Variants in CNTNAP5 observed in about 807,000 individuals in gnomAD.
CNTNAP5 encodes the protein contactin-associated protein-like 5.
A neutral mutation model predicts 150.2 loss-of-function variants in CNTNAP5; 72 were observed. The observed-to-expected ratio is 0.48, with a 90% CI of 0.40 to 0.58. The LOEUF (loss-of-function observed/expected upper bound fraction) is 0.58. Ranked by LOEUF, CNTNAP5 falls within the 20% of genes least tolerant of loss-of-function variation. CNTNAP5 has a pLI of 0.00. For synonymous variants in CNTNAP5, 672 were observed against 619.8 expected (o/e 1.08, Z -1.25); for missense variants, 1,636 against 1,626.2 (o/e 1.01, Z -0.10).
chr2:124,271,658 A>AATCTATCTATCT (rs147548369), intron 3 of CNTNAP5, among the ~76,000 whole-genome samples: 1,684 of 141,462 alleles, frequency 0.012, 12 homozygotes, highest in Non-Finnish European at 0.015. Flanking sequence ...GTTTTTTTTT[A>AATCTATCTATCT]ATCTATCTAT....
chr2:124,403,413 A>G (rs139004497), intron 3 of CNTNAP5, among the ~76,000 whole-genome samples: 66 of 152,062 alleles, frequency 4.3e-4, no homozygotes, highest in African/African-American at 1.5e-3. Flanking sequence ...CATTTTCTCT[A>G]TTTTCTTGAT....
intron 7 of CNTNAP5, among the ~76,000 whole-genome samples, chr2:124,488,433 A>G (rs1217637229): frequency 6.6e-6 from 1 of 152,178 alleles, no homozygotes; most frequent in African/African-American, 2.4e-5. Context: ...TAACTTCCCC[A>G]AGATACGTAA....
At chr2:124,283,825 A>G (rs1367484671) in intron 3 of CNTNAP5, among the ~76,000 whole-genome samples, 1 of 152,188 alleles carries the variant, frequency 6.6e-6, no homozygotes, top group Non-Finnish European at 1.5e-5. Flanking sequence ...GTGTCTTCAC[A>G]TGGTCTCTGG....
intron 11 of CNTNAP5, among the ~76,000 whole-genome samples, chr2:124,588,228 C>CTT (rs1245501587): frequency 8.6e-6 from 1 of 116,588 alleles, no homozygotes; most frequent in African/African-American, 3.1e-5. Flanking sequence ...TTCTTTCTTT[C>CTT]TTTCTTTCTT....
At chr2:124,777,639 G>A (rs1000662580) in intron 17 of CNTNAP5, among the ~76,000 whole-genome samples, 10 of 152,052 alleles carry the variant, frequency 6.6e-5, no homozygotes, top group East Asian at 3.9e-4. Context: ...CACCTTGGCC[G>A]CCCAGATTGC....
chr2:124,524,027 G>A (rs577942847), intron 8 of CNTNAP5, among the ~76,000 whole-genome samples: 1 of 151,014 alleles, frequency 6.6e-6, no homozygotes, highest in Non-Finnish European at 1.5e-5. Context: ...CTTTGGTTGT[G>A]GTGTGTACAA....
intron 17 of CNTNAP5, among the ~76,000 whole-genome samples, chr2:124,788,846 G>C (rs531112564): frequency 5.9e-5 from 9 of 151,924 alleles, no homozygotes; most frequent in African/African-American, 2.2e-4. Context: ...TTGGCCAGGC[G>C]GGTCTTGAAC....
At chr2:124,165,032 A>G (rs1187958721) in intron 1 of CNTNAP5, among the ~76,000 whole-genome samples, 2 of 152,164 alleles carry the variant, frequency 1.3e-5, no homozygotes, top group African/African-American at 4.8e-5. Flanking sequence ...GTTGTAATCT[A>G]TCTGGGCTGA....
intron 5 of CNTNAP5, among the ~76,000 whole-genome samples, chr2:124,445,173 T>A (rs772105364): frequency 2.7e-5 from 4 of 146,694 alleles, no homozygotes; most frequent in Non-Finnish European, 4.5e-5. Flanking sequence ...CACTGCAACC[T>A]CCGCCTCCCA....
chr2:124,258,531 C>T (rs1038273654), intron 3 of CNTNAP5, among the ~76,000 whole-genome samples: 3 of 152,124 alleles, frequency 2.0e-5, no homozygotes, highest in Non-Finnish European at 4.4e-5. Flanking sequence ...CATTCTCTCA[C>T]CCTTCATTAT....
chr2:124,257,745 T>G (rs1303703465), intron 3 of CNTNAP5, among the ~76,000 whole-genome samples: 1 of 151,198 alleles, frequency 6.6e-6, no homozygotes, highest in Non-Finnish European at 1.5e-5. Flanking sequence ...ACCCAACATG[T>G]TGCTCCATGC....
At position 124,798,192 on chromosome 2, in the gene CNTNAP5, T is replaced by C; in HGVS notation, c.3089T>C (p.Ile1030Thr). Residue 1030 changes from isoleucine to threonine, a missense_variant, in exon 19 of 24, where the codon ATT becomes ACT. By Grantham distance (89) the Ile-to-Thr change is moderately conservative. Transcript: ENST00000682447. The part of the protein sequence containing the change: ...TKNISLSSSA[I>T]YTDSAPSKEN... ...AATATAAGCCTCTCATCCTCAGCTA[T>C]TTACACAGATTCAGCTCCATCCAAG... 1.2e-6 allele frequency: 2 copies of C among 1,613,834 alleles called. No individual in the cohort carries two copies. The highest frequency in any genetic ancestry group is 1.7e-6 in the Non-Finnish European group (2 of 1,179,756).
chr2:124,186,115 G>T (rs1685327631), intron 1 of CNTNAP5, among the ~76,000 whole-genome samples: 1 of 152,172 alleles, frequency 6.6e-6, no homozygotes, highest in South Asian at 2.1e-4. Context: ...TCCTGAGTGG[G>T]CATGAGAATT....
At chr2:124,501,968 G>A (rs561301983) in intron 7 of CNTNAP5, among the ~76,000 whole-genome samples, 3 of 152,310 alleles carry the variant, frequency 2.0e-5, no homozygotes, top group East Asian at 3.9e-4. Flanking sequence ...CTTCACAGGG[G>A]CAAGAATGAT....
At chr2:124,402,461 A>G (rs1440142156) in intron 3 of CNTNAP5, among the ~76,000 whole-genome samples, 1 of 152,198 alleles carries the variant, frequency 6.6e-6, no homozygotes. Flanking sequence ...CGTGATTGTC[A>G]CTAGCACAGC....
At chr2:124,123,986 A>T (rs543677997) in intron 1 of CNTNAP5, among the ~76,000 whole-genome samples, 4 of 152,304 alleles carry the variant, frequency 2.6e-5, no homozygotes, top group Non-Finnish European at 4.4e-5. Context: ...AATACTAAAA[A>T]TCAGAGCACC....
chr2:124,827,088 T>C (rs954112071), intron 19 of CNTNAP5, among the ~76,000 whole-genome samples: 1 of 152,050 alleles, frequency 6.6e-6, no homozygotes, highest in Non-Finnish European at 1.5e-5. Flanking sequence ...ACCCACCTAA[T>C]ATTTTTTATT....
chr2:124,813,669 C>T (rs1402364692), intron 19 of CNTNAP5, among the ~76,000 whole-genome samples: 1 of 151,690 alleles, frequency 6.6e-6, no homozygotes, highest in African/African-American at 2.4e-5. Flanking sequence ...AGATCTGCTT[C>T]TGCTTGATTT....
chr2:124,356,250 A>C (rs1211715071), intron 3 of CNTNAP5, among the ~76,000 whole-genome samples: 1 of 152,130 alleles, frequency 6.6e-6, no homozygotes, highest in Non-Finnish European at 1.5e-5. Context: ...CAATTATCTT[A>C]ACACTTTACT....
Sources: gnomAD v4.1 joint callset for allele counts (sites outside exome capture counted in the v4.1 genomes callset) on GRCh38, gnomAD v4.1.1 for gene constraint, MANE v1.5 for transcripts, NCBI Gene and HGNC (gene_info 2026-07-23, HGNC 2026-07-21) for gene names.